The following CDK1 variants were observed in gnomAD, a reference collection of about 807,000 sequenced individuals.
CDK1 encodes the protein cyclin dependent kinase 1.
In CDK1, 5 loss-of-function variants were observed where a neutral mutation model predicts 34.6. The ratio of observed to expected loss-of-function variants is 0.14; its 90% CI spans 0.08 to 0.30. CDK1 has a LOEUF of 0.30. Among genes scored for constraint, CDK1 ranks in the 10% least tolerant of loss-of-function variants. The pLI, the probability that CDK1 is intolerant of heterozygous loss-of-function variation, is 1.00. For missense variants in CDK1, 157 were observed against 345.7 expected (o/e 0.45, Z 4.33); for synonymous variants, 108 against 114.7 (o/e 0.94, Z 0.37).
At position 60,794,376 on chromosome 10, in the gene CDK1, T is replaced by G. The variant is rs1466394869; in HGVS notation, c.*401T>G. On this transcript the variant is annotated 3_prime_UTR_variant, in exon 8 of 8. Coordinates refer to ENST00000395284, the MANE Select transcript of CDK1 (RefSeq NM_001786.5). ...TTTTTATGCTCTGAATGTTTAAATG[T>G]TCTCATCAGTTTCTTGCCATGTTGT... The G allele has an allele frequency of 6.5e-6, 1 of 153,400 alleles. No individual in the cohort carries two copies. Among genetic ancestry groups the G allele is most frequent in the Non-Finnish European group, 1.5e-5 (1 of 68,926 alleles). The allele number at this position is 153,400 out of a possible 1,614,324, so 9.5% of individuals were successfully genotyped here. A position where few individuals can be genotyped will look rare whatever the true frequency, so the allele number is the denominator to read the frequency against.
At chr10:60,778,604 G>A (rs1258759695) in intron 1 of CDK1, 34 bp downstream of exon 1, 2 of 152,526 alleles carry the variant, frequency 1.3e-5, no homozygotes, top group Admixed American at 6.5e-5. Context: ...GTGTCTAGGG[G>A]ACGGCCGAGG....
At chr10:60,792,890 T>A (rs1280374388) in intron 7 of CDK1, among the ~76,000 whole-genome samples, 1 of 152,146 alleles carries the variant, frequency 6.6e-6, no homozygotes, top group Non-Finnish European at 1.5e-5. Context: ...AGTGGATAAA[T>A]CTTTGTTGCT....
chr10:60,786,957 CT>C (rs2080321907), intron 4 of CDK1: 11 of 983,728 alleles, frequency 1.1e-5, no homozygotes, highest in Non-Finnish European at 1.3e-5. Flanking sequence ...CAGTATTTTT[CT>C]GGTAGTTTTA....
intron 5 of CDK1, among the ~76,000 whole-genome samples, chr10:60,791,573 G>T (rs1208850313): frequency 2.0e-5 from 3 of 152,110 alleles, no homozygotes; most frequent in African/African-American, 7.2e-5. Flanking sequence ...ACTTTGTTCA[G>T]TGTCACCCCA....
At chr10:60,790,742 G>C (rs779777892) in intron 5 of CDK1, among the ~76,000 whole-genome samples, 60 of 152,158 alleles carry the variant, frequency 3.9e-4, no homozygotes, top group Non-Finnish European at 7.1e-4. Flanking sequence ...TGTTCTGCAT[G>C]TGGATTATCC....
chr10:60,782,181 T>C lies in CDK1; in HGVS notation c.37+1979T>C, dbSNP rs190009045. Among the ~76,000 whole-genome samples, 424 of 152,364 alleles carry C rather than the reference T, an allele frequency of 2.8e-3. 1 individual carries two copies. Among genetic ancestry groups the C allele is most frequent in the African/African-American group, 9.8e-3 (406 of 41,588 alleles). Reference sequence around the variant, plus strand: ...TTCATTTTGAACATCTCCAAATCTATATTGAAAGATTTATGCAATGAACTT... The same window carrying C: ...TTCATTTTGAACATCTCCAAATCTACATTGAAAGATTTATGCAATGAACTT... On this transcript the variant is annotated intron_variant, in intron 2 of 7. Coordinates refer to ENST00000395284, the MANE Select transcript of CDK1 (RefSeq NM_001786.5).
chr10:60,785,516 T>C, intron 3 of CDK1, 148 bp from the exon 4 acceptor site: 1 of 560,224 alleles, frequency 1.8e-6, no homozygotes, highest in Non-Finnish European at 3.2e-6. Context: ...TTCTTAAATT[T>C]GAGTTTTGAG....
At chr10:60,786,388 C>T in intron 4 of CDK1, 1 of 796,386 alleles carries the variant, frequency 1.3e-6, no homozygotes, top group Non-Finnish European at 1.5e-6. Flanking sequence ...CATATTTTCC[C>T]TTTTTTGTGT....
intron 2 of CDK1, among the ~76,000 whole-genome samples, chr10:60,782,712 T>G (rs1313774443): frequency 6.6e-6 from 1 of 152,180 alleles, no homozygotes; most frequent in Non-Finnish European, 1.5e-5. Context: ...GTGTTAATGA[T>G]TTTTGCCTCC....
Position 60,792,136 on chromosome 10 carries a change from C to T in CDK1, c.654-12C>T, listed in dbSNP as rs761402958. 3 of 1,600,422 alleles carry T rather than the reference C, an allele frequency of 1.9e-6. No homozygotes were observed. The South Asian group carries it at 3.4e-5, about 18-fold the overall frequency. On this transcript the variant is annotated splice_polypyrimidine_tract_variant and intron_variant, in intron 6 of 7. Transcript: ENST00000395284. ...TTATGCTTTAAGAAATTTTTAATTTCCTGTTTTTTAGAGCTTTGGGCACTC... is the reference window on the plus strand; with the variant it reads ...TTATGCTTTAAGAAATTTTTAATTTTCTGTTTTTTAGAGCTTTGGGCACTC...
chr10:60,784,653 G>A, intron 2 of CDK1, 52 bp from the exon 3 acceptor site: 2 of 1,432,294 alleles, frequency 1.4e-6, no homozygotes, highest in African/African-American at 1.4e-5. Context: ...AAGAAAAAAA[G>A]ATCTTTAGTT....
intron 1 of CDK1, among the ~76,000 whole-genome samples, chr10:60,779,079 T>C (rs1479759643): frequency 6.6e-6 from 1 of 152,240 alleles, no homozygotes; most frequent in Non-Finnish European, 1.5e-5. Context: ...GTGGGCCTTC[T>C]TGGGCTTGCT....
At chr10:60,790,783 T>A (rs1452987706) in intron 5 of CDK1, among the ~76,000 whole-genome samples, 2 of 152,192 alleles carry the variant, frequency 1.3e-5, no homozygotes, top group African/African-American at 4.8e-5. Context: ...TTGAAGAGAT[T>A]GGCTTTTCCC....
At chr10:60,785,832 T>C in intron 4 of CDK1, 45 bp downstream of exon 4, 1 of 1,526,478 alleles carries the variant, frequency 6.6e-7, no homozygotes, top group Non-Finnish European at 8.9e-7. Flanking sequence ...ACTGTGGATA[T>C]AAAGGGACTA....
At chr10:60,792,615 T>G (rs1209148838) in intron 7 of CDK1, among the ~76,000 whole-genome samples, 1 of 152,110 alleles carries the variant, frequency 6.6e-6, no homozygotes, top group Non-Finnish European at 1.5e-5. Flanking sequence ...TTGAGCCCTC[T>G]TAGTTTATGC....
chr10:60,788,327 T>A (rs1017118231), intron 5 of CDK1, 97 bp downstream of exon 5: 31 of 891,426 alleles, frequency 3.5e-5, no homozygotes, highest in Non-Finnish European at 4.8e-5. Context: ...CAATAAAAGA[T>A]ATCTACTCTG....
chr10:60,788,357 CCT>C (rs2132071635), intron 5 of CDK1, 127 bp downstream of exon 5: 1 of 566,960 alleles, frequency 1.8e-6, no homozygotes, highest in East Asian at 3.2e-5. Flanking sequence ...CAATTTATTG[CCT>C]CTCAGCTCCA....
intron 4 of CDK1, 72 bp downstream of exon 4, chr10:60,785,859 C>T (rs1319007900): frequency 1.2e-5 from 17 of 1,374,102 alleles, no homozygotes; most frequent in Non-Finnish European, 3.8e-6. Flanking sequence ...GAAGTCCCTG[C>T]ATTTTGTGGG....
At chr10:60,779,074 C>T (rs2132059311) in intron 1 of CDK1, among the ~76,000 whole-genome samples, 1 of 152,324 alleles carries the variant, frequency 6.6e-6, no homozygotes, top group South Asian at 2.1e-4. Context: ...AACTCGTGGG[C>T]CTTCTTGGGC....
Sources: allele counts gnomAD v4.1 joint callset (sites outside exome capture counted in the v4.1 genomes callset), GRCh38; gene constraint gnomAD v4.1.1; transcripts MANE v1.5; gene names NCBI Gene and HGNC (gene_info 2026-07-23, HGNC 2026-07-21).